Variants in TRIM66 observed in about 807,000 individuals in gnomAD.
The protein encoded by TRIM66 is tripartite motif-containing protein 66.
A neutral mutation model predicts 148.2 loss-of-function variants in TRIM66; 99 were observed. The ratio of observed to expected loss-of-function variants is 0.67; its 90% CI spans 0.57 to 0.79. The LOEUF is 0.79. TRIM66 is among the 30% of genes least tolerant of loss of function. TRIM66 has a pLI of 0.00. For synonymous variants in TRIM66, 616 were observed against 635.9 expected (o/e 0.97, Z 0.47); for missense variants, 1,666 against 1,697.9 (o/e 0.98, Z 0.33).
rs1049171480 is a variant in TRIM66, at chr11:8,617,905, G to C, written c.*39C>G. 6.5e-7 allele frequency: 1 copy of C among 1,545,844 alleles called. No individual in the cohort carries two copies. Among genetic ancestry groups the C allele is most frequent in the African/African-American group, 1.4e-5 (1 of 72,948 alleles). On this transcript the variant is annotated 3_prime_UTR_variant, in exon 25 of 25. Coordinates refer to ENST00000646038, the MANE Select transcript of TRIM66 (RefSeq NM_001388022.1). Reference sequence around the variant, plus strand: ...ATGGGGAGGAATGGTCGACAGTATGGGACAACAGCTGCCAGAGTGCCCAGT... The same window carrying C: ...ATGGGGAGGAATGGTCGACAGTATGCGACAACAGCTGCCAGAGTGCCCAGT...
At chr11:8,656,731 T>C (rs893430665) in intron 6 of TRIM66, among the ~76,000 whole-genome samples, 49 of 152,198 alleles carry the variant, frequency 3.2e-4, no homozygotes, top group African/African-American at 1.2e-3. Context: ...AGCATCCCCT[T>C]CCCCTGTGGC....
intron 6 of TRIM66, among the ~76,000 whole-genome samples, chr11:8,663,619 G>A (rs934961036): frequency 3.9e-5 from 6 of 152,048 alleles, no homozygotes; most frequent in Admixed American, 6.6e-5. Flanking sequence ...CCTTGGATGC[G>A]GGGGGAGGGG....
chr11:8,660,856 T>C (rs2038200858), intron 6 of TRIM66, among the ~76,000 whole-genome samples: 1 of 152,180 alleles, frequency 6.6e-6, no homozygotes, highest in South Asian at 2.1e-4. Context: ...ACATCATAAA[T>C]GGAGAATTAT....
At chr11:8,646,416 C>G in intron 11 of TRIM66, 31 bp downstream of exon 11, 1 of 1,528,186 alleles carries the variant, frequency 6.5e-7, no homozygotes, top group Non-Finnish European at 8.9e-7. Context: ...GTTTCTGAAC[C>G]CAACCATCTG....
Position 8,681,629 on chromosome 11 carries a change from C to T in TRIM66, c.-548+972G>A, listed in dbSNP as rs946084702. On this transcript the variant is annotated intron_variant, in intron 1 of 24. Transcript: ENST00000646038. Reference sequence around the variant, plus strand: ...GATCTTGAACACTGGTTGAAGGAACCGACTTAAGAGCGAAGACATGCTGCT... The same window carrying T: ...GATCTTGAACACTGGTTGAAGGAACTGACTTAAGAGCGAAGACATGCTGCT... Among the ~76,000 whole-genome samples the T allele has an allele frequency of 2.0e-5, 3 of 147,602 alleles. 1 individual carries two copies. In the Admixed American group the frequency reaches 2.0e-4, roughly 10 times the overall value.
chr11:8,620,187 G>C, intron 21 of TRIM66, 63 bp from the exon 22 acceptor site: 2 of 1,471,750 alleles, frequency 1.4e-6, no homozygotes, highest in Non-Finnish European at 1.9e-6. Flanking sequence ...ATGAACTAAA[G>C]ATGTTGACCC....
At chr11:8,637,843 A>G (rs1305737163) in intron 15 of TRIM66, among the ~76,000 whole-genome samples, 1 of 152,208 alleles carries the variant, frequency 6.6e-6, no homozygotes, top group African/African-American at 2.4e-5. Flanking sequence ...GCCAAGGGAC[A>G]CTAGGAGGAA....
rs1177481678 is a variant in TRIM66, at chr11:8,640,488, T to C, written c.1887A>G (p.Pro629=). The change falls in exon 14 of 25, where the codon CCA becomes CCG. Residue 629 remains proline (P), a synonymous_variant. Transcript: ENST00000646038. ...PPQQPHPPLP[P]SQHLASSQHE... is the part of the protein sequence containing the mutation. ...GCTGACTAGAAGCCAGATGCTGGGA[T>C]GGAGGAAGAGGTGGGTGTGGCTGCT... The C allele has an allele frequency of 7.5e-7, 1 of 1,333,900 alleles. No homozygotes were observed. Among genetic ancestry groups the C allele is most frequent in the Admixed American group, 2.6e-5 (1 of 38,902 alleles). The allele number at this position is 1,333,900 out of a possible 1,614,324, so 82.6% of individuals were successfully genotyped here.
rs1018403000 is a variant in TRIM66, at chr11:8,616,871, T to A, written c.*1073A>T. ...GGCTGTAGACAGCCTGGAGGCGGGC[T>A]GGTCAGAAGACTCACTTCTGATCTT... On this transcript the variant is annotated 3_prime_UTR_variant, in exon 25 of 25. Coordinates refer to ENST00000646038, the MANE Select transcript of TRIM66 (RefSeq NM_001388022.1). The A allele has an allele frequency of 6.6e-6, 1 of 152,204 alleles. No individual in the cohort carries two copies. The highest frequency in any genetic ancestry group is 2.4e-5 in the African/African-American group (1 of 41,430). 9.4% of individuals were successfully genotyped at this position (152,204 alleles called of 1,614,324 possible). A position where few individuals can be genotyped will look rare whatever the true frequency, so the allele number is the denominator to read the frequency against.
chr11:8,635,788 C>T (rs1178830607), intron 15 of TRIM66, among the ~76,000 whole-genome samples: 3 of 152,180 alleles, frequency 2.0e-5, no homozygotes, highest in Admixed American at 6.5e-5. Context: ...AAGGGCAGCA[C>T]CCCTTGCTGC....
At chr11:8,683,092 C>A (rs1377039245), upstream of TRIM66, 2 of 1,206,070 alleles carry the variant, frequency 1.7e-6, no homozygotes, top group Non-Finnish European at 2.4e-6. Flanking sequence ...TTCCCAAACG[C>A]TCCAGAAGTT....
Position 8,622,365 on chromosome 11 carries a change from C to CACACACACACACACATAT in TRIM66, c.3080+450_3080+451insATATGTGTGTGTGTGTGT. Among the ~76,000 whole-genome samples, 31 of 59,612 alleles carry CACACACACACACACATAT rather than the reference C, an allele frequency of 5.2e-4. 3 individuals are homozygous for CACACACACACACACATAT. The highest frequency in any genetic ancestry group is 8.2e-4 in the Non-Finnish European group (21 of 25,598). The allele number at this position is 59,612 out of a possible 152,430, so 39.1% of individuals were successfully genotyped here. On this transcript the variant is annotated intron_variant, in intron 18 of 24. Transcript: ENST00000646038. ...ACACACACACACACACACACACACACATATATATATATATATATCTCCTAC... is the reference window on the plus strand; with the variant it reads ...ACACACACACACACACACACACACACACACACACACACACATATATATATATATATATATATCTCCTAC...
chr11:8,650,131 G>C (rs894706693), intron 7 of TRIM66, among the ~76,000 whole-genome samples: 2 of 152,124 alleles, frequency 1.3e-5, no homozygotes, highest in Non-Finnish European at 2.9e-5. Flanking sequence ...CCAGTACTTT[G>C]GGAGGCCAAG....
intron 3 of TRIM66, among the ~76,000 whole-genome samples, chr11:8,677,372 T>C (rs2039223942): frequency 6.6e-6 from 1 of 152,174 alleles, no homozygotes; most frequent in South Asian, 2.1e-4. Flanking sequence ...TAGTACACAC[T>C]CAATTAATAT....
chr11:8,632,481 A>T (rs1224027117), intron 15 of TRIM66, among the ~76,000 whole-genome samples: 136 of 89,750 alleles, frequency 1.5e-3, no homozygotes, highest in Non-Finnish European at 2.3e-4. Flanking sequence ...TTTGAGATGG[A>T]TTCTTACTCT....
rs541655853 is a variant in TRIM66, at chr11:8,655,619, C to G, written c.341-3716G>C. ...TCAACATAGAAAAACCCAGTATCTA[C>G]TAAAAATACAAAAATTAGTCAGGCG... On this transcript the variant is annotated intron_variant, in intron 6 of 24. Coordinates refer to ENST00000646038, the MANE Select transcript of TRIM66 (RefSeq NM_001388022.1). 2.6e-5 allele frequency among the ~76,000 whole-genome samples: 4 copies of G among 151,988 alleles called. No individual in the cohort carries two copies. The East Asian group carries it at 7.8e-4, about 29-fold the overall frequency.
intron 17 of TRIM66, 51 bp from the exon 18 acceptor site, chr11:8,622,927 C>T (rs908461593): frequency 3.4e-6 from 5 of 1,463,808 alleles, no homozygotes; most frequent in Non-Finnish European, 4.7e-6. Flanking sequence ...TGGCAACAAA[C>T]CCCGTCATGC....
At position 8,615,656 on chromosome 11, in the gene TRIM66, T is replaced by A. The variant is rs1349967860; in HGVS notation, c.*2288A>T. On this transcript the variant is annotated 3_prime_UTR_variant, in exon 25 of 25. Coordinates refer to ENST00000646038, the MANE Select transcript of TRIM66 (RefSeq NM_001388022.1). ...GAGAGGCAGGTGTGTAAAGGGAGCC[T>A]CTCAGCATGCAGGCTCTCTACGATG... The A allele has an allele frequency of 6.6e-6, 1 of 152,032 alleles. No individual in the cohort carries two copies. The highest frequency in any genetic ancestry group is 2.4e-5 in the African/African-American group (1 of 41,384). The allele number at this position is 152,032 out of a possible 1,614,324, so 9.4% of individuals were successfully genotyped here. A position where few individuals can be genotyped will look rare whatever the true frequency, so the allele number is the denominator to read the frequency against.
intron 15 of TRIM66, among the ~76,000 whole-genome samples, chr11:8,628,632 A>AGAGAG (rs1385589443): frequency 1.2e-5 from 1 of 85,920 alleles, no homozygotes; most frequent in Non-Finnish European, 2.7e-5. Context: ...AAAAAAAAAA[A>AGAGAG]AAAAAGAGAG....
Sources: allele counts gnomAD v4.1 joint callset (sites outside exome capture counted in the v4.1 genomes callset), GRCh38; gene constraint gnomAD v4.1.1; transcripts MANE v1.5; gene names NCBI Gene and HGNC (gene_info 2026-07-23, HGNC 2026-07-21).